ERCC6: variants seen among roughly 807,000 people sequenced by gnomAD.
ERCC6 encodes DNA excision repair protein ERCC-6.
ERCC6 carries 116 observed loss-of-function variants against 158.7 expected under a neutral mutation model. The ratio of observed to expected loss-of-function variants is 0.73; its 90% CI spans 0.63 to 0.85. The LOEUF is 0.85. Ranked by LOEUF, ERCC6 falls within the 40% of genes least tolerant of loss-of-function variation. The pLI is 0.00. For synonymous variants in ERCC6, 678 were observed against 659.3 expected (o/e 1.03, Z -0.43); for missense variants, 1,698 against 1,799.4 (o/e 0.94, Z 1.02).
At chr10:49,478,573 A>C in intron 10 of ERCC6, 103 bp from the exon 11 acceptor site, 1 of 790,382 alleles carries the variant, frequency 1.3e-6, no homozygotes, top group African/African-American at 1.7e-5. Flanking sequence ...AAAAAGAATA[A>C]CCAACAGCTG....
chr10:49,525,576 C>T (rs765582564), intron 4 of ERCC6, among the ~76,000 whole-genome samples: 40 of 152,120 alleles, frequency 2.6e-4, no homozygotes, highest in Non-Finnish European at 5.3e-4. Flanking sequence ...ACCAAAATAC[C>T]AAAAGACCTA....
rs1204331764 is a variant in ERCC6 at position 49,532,879 on chromosome 10, A to C, written c.86T>G (p.Met29Arg). ...ACCACCACTTTCTTGCTTGATTGCCATTTCTTCATTATTACTGACAGGTTG... is the reference window on the plus strand; with the variant it reads ...ACCACCACTTTCTTGCTTGATTGCCCTTTCTTCATTATTACTGACAGGTTG... ...QSQPVSNNEE[M>R]AIKQESGGDG... Residue 29 changes from methionine (M) to arginine (R), a missense_variant, in exon 2 of 21, where the codon ATG (methionine) becomes AGG (arginine). Coordinates refer to ENST00000355832, the MANE Select transcript of ERCC6 (RefSeq NM_000124.4). 1 of 1,613,922 alleles carries C rather than the reference A, an allele frequency of 6.2e-7. No individual in the cohort carries two copies. The highest frequency in any genetic ancestry group is 8.5e-7 in the Non-Finnish European group (1 of 1,180,022).
Position 49,532,918 on chromosome 10 carries a change from TCTTGCTCC to T in ERCC6, c.39_46del (p.Glu14LeufsTer9), listed in dbSNP as rs766960580. The T allele has an allele frequency of 8.1e-6, 13 of 1,614,132 alleles. No individual in the cohort carries two copies. In the Admixed American group the frequency reaches 1.5e-4, roughly 19 times the overall value. On this transcript the variant is annotated frameshift_variant, in exon 2 of 21. Transcript: ENST00000355832. LOFTEE classifies it high-confidence loss of function. ...ACTGACAGGTTGACTCTGTAAACAG[TCTTGCTCC>T]TGAGTTTGACTTGAGTGGGGGATTC...
intron 12 of ERCC6, chr10:49,475,243 T>G (rs1850855523): frequency 3.3e-6 from 1 of 304,818 alleles, no homozygotes; most frequent in Non-Finnish European, 6.5e-6. Flanking sequence ...GTAAAATATC[T>G]TTTTAATCAT....
rs776406612 is a variant in ERCC6, at chr10:49,516,120, A to C, written c.1397+7913T>G. 35 of 1,614,018 alleles carry C rather than the reference A, an allele frequency of 2.2e-5. No individual in the cohort carries two copies. In the Admixed American group the frequency reaches 5.7e-4, roughly 26 times the overall value. On this transcript the variant is annotated intron_variant, in intron 5 of 20. Coordinates refer to ENST00000355832, the MANE Select transcript of ERCC6 (RefSeq NM_000124.4). ...TGTAAGTGCCTCACTAAACTGAAGG[A>C]CAAGTGACGCACCGACACCATATTC... is the stretch of plus-strand genomic sequence containing the variant.
In ERCC6 at chr10:49,457,124, G is replaced by A. The variant is rs1850496380; in HGVS notation, c.*1691C>T. The A allele has an allele frequency of 6.6e-6, 1 of 152,144 alleles. No homozygotes were observed. Among genetic ancestry groups the A allele is most frequent in the Non-Finnish European group, 1.5e-5 (1 of 68,038 alleles). The allele number at this position is 152,144 out of a possible 1,614,324, so 9.4% of individuals were successfully genotyped here. The stretch of plus-strand genomic sequence containing the variant: ...AGACACAATTTCCTTATAGGCTAAT[G>A]ATTATAAAAATAGAAATTAAGAGCT... On this transcript the variant is annotated 3_prime_UTR_variant, in exon 21 of 21. Coordinates refer to ENST00000355832, the MANE Select transcript of ERCC6 (RefSeq NM_000124.4).
chr10:49,526,879 A>G (rs1837353448), intron 4 of ERCC6, among the ~76,000 whole-genome samples: 1 of 152,270 alleles, frequency 6.6e-6, no homozygotes, highest in South Asian at 2.1e-4. Flanking sequence ...ACAGATCTGT[A>G]TAAGGTACTA....
intron 5 of ERCC6, among the ~76,000 whole-genome samples, chr10:49,522,897 T>C (rs1262699605): frequency 6.6e-6 from 1 of 152,218 alleles, no homozygotes; most frequent in African/African-American, 2.4e-5. Context: ...AAGGTGCTAC[T>C]AGAATGTGAG....
At chr10:49,437,868 G>A in the ERCC6 span, among the ~76,000 whole-genome samples, 1 of 152,182 alleles carries the variant, frequency 6.6e-6, no homozygotes, top group Non-Finnish European at 1.5e-5. Flanking sequence ...AGTAATTACA[G>A]TTAAAGTCAA....
At chr10:49,466,734 A>G (rs995041293) in intron 18 of ERCC6, among the ~76,000 whole-genome samples, 6 of 152,210 alleles carry the variant, frequency 3.9e-5, no homozygotes, top group African/African-American at 1.4e-4. Context: ...TACTAGTCCG[A>G]AAGTCATCCA....
intron 7 of ERCC6, 137 bp downstream of exon 7, chr10:49,500,401 G>T: frequency 9.6e-7 from 1 of 1,040,468 alleles, no homozygotes; most frequent in Non-Finnish European, 1.4e-6. Context: ...TTCCTTTGAT[G>T]TCCCCCACTA....
intron 5 of ERCC6, among the ~76,000 whole-genome samples, chr10:49,507,212 G>T (rs1851459010): frequency 6.6e-6 from 1 of 152,146 alleles, no homozygotes. Flanking sequence ...CTCTTGCCTT[G>T]TTGAAAATTT....
intron 8 of ERCC6, among the ~76,000 whole-genome samples, chr10:49,484,479 T>C (rs1048825946): frequency 1.3e-5 from 2 of 150,128 alleles, no homozygotes; most frequent in Admixed American, 6.6e-5. Flanking sequence ...GTGGCTTATG[T>C]CTGTAATCTC....
intron 5 of ERCC6, among the ~76,000 whole-genome samples, chr10:49,513,373 G>A (rs1462409684): frequency 6.6e-6 from 1 of 152,172 alleles, no homozygotes; most frequent in Non-Finnish European, 1.5e-5. Context: ...AAAACAAATA[G>A]TAATTATGAC....
chr10:49,468,983 GAA>G (rs61217679), intron 18 of ERCC6, among the ~76,000 whole-genome samples: 1 of 151,866 alleles, frequency 6.6e-6, no homozygotes, highest in African/African-American at 2.4e-5. Context: ...TACAGTCATG[GAA>G]AAAAAAAGAA....
intron 18 of ERCC6, among the ~76,000 whole-genome samples, chr10:49,461,852 C>T (rs1275590326): frequency 6.6e-6 from 1 of 152,094 alleles, no homozygotes; most frequent in Non-Finnish European, 1.5e-5. Flanking sequence ...GGAATAAACC[C>T]AAGCAATGTG....
At chr10:49,470,044 C>G (rs1412553267) in intron 18 of ERCC6, 138 bp downstream of exon 18, 2 of 803,178 alleles carry the variant, frequency 2.5e-6, no homozygotes, top group Non-Finnish European at 4.3e-6. Flanking sequence ...CAATATATTT[C>G]AAATCTAAAT....
In ERCC6 at chr10:49,456,121, T is replaced by C. The variant is rs1850479900; in HGVS notation, c.*2694A>G. 2 of 152,218 alleles carry C rather than the reference T, an allele frequency of 1.3e-5. No homozygotes were observed. Among genetic ancestry groups the C allele is most frequent in the Admixed American group, 6.5e-5 (1 of 15,288 alleles). 9.4% of individuals were successfully genotyped at this position (152,218 alleles called of 1,614,324 possible). ...AAATTACATATTTAAAGCAAACTAA[T>C]TGCTATAATAGACTTCAAAAGACAG... On this transcript the variant is annotated 3_prime_UTR_variant, in exon 21 of 21. Transcript: ENST00000355832.
chr10:49,507,155 G>T (rs575502693), intron 5 of ERCC6, among the ~76,000 whole-genome samples: 1 of 152,284 alleles, frequency 6.6e-6, no homozygotes, highest in African/African-American at 2.4e-5. Context: ...CCCAATGCTA[G>T]TATGTAGGTA....
Sources: gnomAD v4.1 joint callset for allele counts (sites outside exome capture counted in the v4.1 genomes callset) on GRCh38, gnomAD v4.1.1 for gene constraint, MANE v1.5 for transcripts, NCBI Gene and HGNC (gene_info 2026-07-23, HGNC 2026-07-21) for gene names.